NARF: variants seen among roughly 807,000 people sequenced by gnomAD.
NARF encodes the protein iron-only hydrogenase-like protein 2.
A neutral mutation model predicts 48.0 loss-of-function variants in NARF; 41 were observed. The observed-to-expected ratio is 0.85, with a 90% confidence interval of 0.66 to 1.11. The LOEUF (loss-of-function observed/expected upper bound fraction) is 1.11. Among genes scored for constraint, NARF ranks in the 50% least tolerant of loss-of-function variants. NARF has a pLI of 0.00. For missense variants in NARF, 613 were observed against 590.2 expected (o/e 1.04, Z -0.40); for synonymous variants, 215 against 225.5 (o/e 0.95, Z 0.42).
chr17:82,485,012 G>C, intron 9 of NARF, 62 bp downstream of exon 9: 1 of 1,511,020 alleles, frequency 6.6e-7, no homozygotes, highest in Non-Finnish European at 8.9e-7. Context: ...TGGTGTGCCT[G>C]TATGGATCTG....
chr17:82,459,175 G>A (rs926281878), intron 1 of NARF: 3 of 1,093,810 alleles, frequency 2.7e-6, no homozygotes, highest in South Asian at 4.5e-5. Flanking sequence ...GAGGGTTTTA[G>A]GCGTTTTCGA....
At chr17:82,462,875 A>G (rs2043471986) in intron 2 of NARF, 1 of 152,488 alleles carries the variant, frequency 6.6e-6, no homozygotes, top group South Asian at 2.1e-4. Context: ...CAGTTTGGTC[A>G]TGGGCATCTC....
intron 7 of NARF, chr17:82,481,946 C>T (rs1195850483): frequency 9.4e-6 from 3 of 319,922 alleles, no homozygotes; most frequent in Non-Finnish European, 1.8e-5. Context: ...ACGTTTGCTC[C>T]AGTGATATTG....
Position 82,488,295 on chromosome 17 carries a change from C to CGCTCAA in NARF, c.*138_*139insGCTCAA. 3.0e-6 allele frequency: 4 copies of CGCTCAA among 1,351,362 alleles called. No individual in the cohort carries two copies. The highest frequency in any genetic ancestry group is 3.9e-6 in the Non-Finnish European group (4 of 1,019,704). 83.7% of individuals were successfully genotyped at this position (1,351,362 alleles called of 1,614,324 possible). ...GATTACTTTGGTTTCTCCGAGTTCC[C>CGCTCAA]TGCTACCCCGTTTATTGGAGGCCCC... On this transcript the variant is annotated 3_prime_UTR_variant, in exon 11 of 11. Coordinates refer to ENST00000309794, the MANE Select transcript of NARF (RefSeq NM_012336.4).
intron 4 of NARF, among the ~76,000 whole-genome samples, chr17:82,472,255 G>A (rs538496351): frequency 1.6e-4 from 24 of 152,260 alleles, no homozygotes; most frequent in African/African-American, 5.3e-4. Flanking sequence ...GGCCAAGGTG[G>A]GTAGATCACT....
Position 82,490,179 on chromosome 17 carries a change from A to C in NARF, c.*2022A>C, listed in dbSNP as rs1230386199. On this transcript the variant is annotated 3_prime_UTR_variant, in exon 11 of 11. Coordinates refer to ENST00000309794, the MANE Select transcript of NARF (RefSeq NM_012336.4). ...GCAGTTTAACCACAAACAGTGAAAC[A>C]GAGCTGGCAGACGCCTGAAACTCCA... 6.6e-6 allele frequency: 1 copy of C among 152,206 alleles called. No homozygotes were observed. The highest frequency in any genetic ancestry group is 1.5e-5 in the Non-Finnish European group (1 of 68,078). 9.4% of individuals were successfully genotyped at this position (152,206 alleles called of 1,614,324 possible). A position where few individuals can be genotyped will look rare whatever the true frequency, so the allele number is the denominator to read the frequency against.
intron 7 of NARF, chr17:82,482,223 C>T (rs1486336883): frequency 4.7e-6 from 2 of 428,324 alleles, no homozygotes; most frequent in African/African-American, 2.1e-5. Flanking sequence ...TTAAGGGCGC[C>T]AATGTCCCTC....
intron 7 of NARF, chr17:82,482,043 G>T: frequency 3.4e-6 from 1 of 291,030 alleles, no homozygotes. Flanking sequence ...TGATTCCCTG[G>T]AATTATGTAG....
At chr17:82,479,636 C>A (rs1021528449) in intron 6 of NARF, among the ~76,000 whole-genome samples, 1 of 152,244 alleles carries the variant, frequency 6.6e-6, no homozygotes, top group East Asian at 1.9e-4. Context: ...GACTTTACAC[C>A]TCCCTCCGGG....
chr17:82,470,585 C>T (rs1237950203), intron 4 of NARF, among the ~76,000 whole-genome samples: 2 of 152,082 alleles, frequency 1.3e-5, no homozygotes, highest in Non-Finnish European at 2.9e-5. Flanking sequence ...AGCTCCACCT[C>T]CCGGGTTCAC....
chr17:82,472,557 C>G lies in NARF; in HGVS notation c.386-7C>G, dbSNP rs1599835000. 1 of 1,607,680 alleles carries G rather than the reference C, an allele frequency of 6.2e-7. No individual in the cohort carries two copies. Among genetic ancestry groups the G allele is most frequent in the Non-Finnish European group, 8.5e-7 (1 of 1,177,218 alleles). On this transcript the variant is annotated splice_polypyrimidine_tract_variant and splice_region_variant and intron_variant, in intron 4 of 10. Coordinates refer to ENST00000309794, the MANE Select transcript of NARF (RefSeq NM_012336.4). ...ATTTAAGCTGAATATGCTCCTCTCT[C>G]CTGCAGGGGTGCACTATGTATTTGA...
chr17:82,460,678 G>A (rs1273960178), intron 2 of NARF: 1 of 151,864 alleles, frequency 6.6e-6, no homozygotes, highest in Non-Finnish European at 1.5e-5. Context: ...CCAGGAGAAA[G>A]GCGTGAACCT....
rs749164037 is a variant in NARF, at chr17:82,460,073, G to T, written c.108+1G>T. 1 of 1,613,206 alleles carries T rather than the reference G, an allele frequency of 6.2e-7. No individual in the cohort carries two copies. The highest frequency in any genetic ancestry group is 1.7e-5 in the Admixed American group (1 of 59,932). ...GAGTCCAGCCCAGGAAAATGGAGAG[G>T]CAAGTAGATTTTTCAGTTTTGTATC... is the stretch of plus-strand genomic sequence containing the variant. On this transcript the variant is annotated splice_donor_variant, in intron 2 of 10. Coordinates refer to ENST00000309794, the MANE Select transcript of NARF (RefSeq NM_012336.4). LOFTEE classifies it high-confidence loss of function.
rs566438518 is a variant in NARF, at chr17:82,489,207, C to T, written c.*1050C>T. 1 of 169,472 alleles carries T rather than the reference C, an allele frequency of 5.9e-6. No individual in the cohort carries two copies. Among genetic ancestry groups the T allele is most frequent in the Non-Finnish European group, 1.3e-5 (1 of 78,930 alleles). 10.5% of individuals were successfully genotyped at this position (169,472 alleles called of 1,614,324 possible). ...GACCATACTCGGCCCTGGGCCATTC[C>T]TCACAGCCAGTCACCACCCTCCTCC... On this transcript the variant is annotated 3_prime_UTR_variant, in exon 11 of 11. Coordinates refer to ENST00000309794, the MANE Select transcript of NARF (RefSeq NM_012336.4).
chr17:82,483,247 A>G, intron 7 of NARF: 1 of 385,198 alleles, frequency 2.6e-6, no homozygotes, highest in South Asian at 1.8e-5. Context: ...TGAACCCGGG[A>G]GGCAGAGGTT....
intron 6 of NARF, chr17:82,479,277 TA>T (rs1248623922): frequency 5.4e-6 from 1 of 186,400 alleles, no homozygotes; most frequent in African/African-American, 2.4e-5. Flanking sequence ...CAAGGAGGCC[TA>T]AAGTGGCCTG....
rs758774798 is a variant in NARF at position 82,478,626 on chromosome 17, C to T, written c.521-174C>T. 9.4e-5 allele frequency: 66 copies of T among 703,616 alleles called. 5 individuals carry two copies. Among genetic ancestry groups the T allele is most frequent in the Admixed American group, 7.5e-4 (37 of 49,078 alleles). 43.6% of individuals were successfully genotyped at this position (703,616 alleles called of 1,614,324 possible). ...CCTGCAGGTTCCCATGACCCACAGC[C>T]GGGCCACCGAGGACGGGTTTTGGGT... is the stretch of plus-strand genomic sequence containing the variant. On this transcript the variant is annotated intron_variant, in intron 5 of 10. Coordinates refer to ENST00000309794, the MANE Select transcript of NARF (RefSeq NM_012336.4).
rs760114550 is a variant in NARF, at chr17:82,484,826, A to G, written c.847A>G (p.Lys283Glu). The change falls in exon 9 of 11, where the codon AAG (lysine) becomes GAG (glutamate). Residue 283 changes from lysine to glutamate, a missense_variant. Physicochemically the swap from Lys to Glu is moderately conservative, Grantham distance 56. Coordinates refer to ENST00000309794, the MANE Select transcript of NARF (RefSeq NM_012336.4). ...CTGCCTTGTGAGGTTTGGAGACTTG[A>G]AGGAGGACAAAGTGACGCGTCATGA... ...AAVDTLFGDL[K>E]EDKVTRHDGA... The G allele has an allele frequency of 3.1e-6, 5 of 1,605,970 alleles. No individual in the cohort carries two copies. The African/African-American group carries it at 5.4e-5, about 17-fold the overall frequency.
intron 3 of NARF, among the ~76,000 whole-genome samples, chr17:82,465,919 G>T (rs1036788215): frequency 5.9e-5 from 9 of 152,178 alleles, no homozygotes; most frequent in Admixed American, 1.3e-4. Context: ...AGCATTAGTT[G>T]TGTCTGGGTG....
Sources: gnomAD v4.1 joint callset for allele counts (sites outside exome capture counted in the v4.1 genomes callset) on GRCh38, gnomAD v4.1.1 for gene constraint, MANE v1.5 for transcripts, NCBI Gene and HGNC (gene_info 2026-07-23, HGNC 2026-07-21) for gene names.